Variants in USP19 observed in about 807,000 individuals in gnomAD.
USP19 encodes the protein ubiquitin specific peptidase 19.
Under a neutral mutation model 144.8 loss-of-function variants are expected in USP19, and 40 were observed. That is an observed-to-expected ratio of 0.28 (90% CI 0.21 to 0.36). The LOEUF is 0.36. Among genes scored for constraint, USP19 ranks in the 10% least tolerant of loss-of-function variants. The pLI, the probability that USP19 is intolerant of heterozygous loss-of-function variation, is 1.00. For missense variants in USP19, 1,518 were observed against 1,822.5 expected (o/e 0.83, Z 3.04); for synonymous variants, 701 against 709.3 (o/e 0.99, Z 0.19).
At chr3:49,113,532 C>T (rs1360102449) in intron 17 of USP19, among the ~76,000 whole-genome samples, 1 of 152,010 alleles carries the variant, frequency 6.6e-6, no homozygotes, top group Non-Finnish European at 1.5e-5. Flanking sequence ...TCAGCCTTGG[C>T]CTCCCAAAGA....
Position 49,114,590 on chromosome 3 carries a change from AAGCCT to A in USP19, c.2292+168_2292+172del, listed in dbSNP as rs2043773237. Among the ~76,000 whole-genome samples the A allele has an allele frequency of 6.6e-6, 1 of 152,222 alleles. No individual in the cohort carries two copies. The highest frequency in any genetic ancestry group is 6.5e-5 in the Admixed American group (1 of 15,290). On this transcript the variant is annotated intron_variant, in intron 15 of 26. Transcript: ENST00000417901. The surrounding 1 kb of genome is among the most constrained non-coding windows in gnomAD (Gnocchi z 4.5). ...TAACATCACTTTTCCCTCAGTCAGG[AAGCCT>A]ACCCTGAGTGGGCTCTTCAGCCCAA... is the stretch of plus-strand genomic sequence containing the variant.
intron 2 of USP19, 123 bp downstream of exon 2, chr3:49,118,899 T>C (rs1409734109): frequency 6.8e-7 from 1 of 1,464,956 alleles, no homozygotes; most frequent in Non-Finnish European, 9.2e-7. Flanking sequence ...TGGGTCCTTC[T>C]TCTCTCATCA....
At chr3:49,113,236 G>T (rs1298754360) in intron 17 of USP19, among the ~76,000 whole-genome samples, 2 of 152,208 alleles carry the variant, frequency 1.3e-5, no homozygotes, top group African/African-American at 2.4e-5. Context: ...GCCTGTTTTT[G>T]TACAGTCACA....
chr3:49,108,354 G>T lies in USP19; in HGVS notation c.*58C>A. On this transcript the variant is annotated 3_prime_UTR_variant, in exon 27 of 27. Coordinates refer to ENST00000417901, the MANE Select transcript of USP19 (RefSeq NM_001199161.2). The surrounding 1 kb of genome is among the most constrained non-coding windows in gnomAD (Gnocchi z 4.8). Reference sequence around the variant, plus strand: ...GGGTTAGAGAAGGAGAAGCGGCAAGGAGCTGGCCCTCTGTGTGGGTGTCCC... The same window carrying T: ...GGGTTAGAGAAGGAGAAGCGGCAAGTAGCTGGCCCTCTGTGTGGGTGTCCC... 4 of 596,732 alleles carry T rather than the reference G, an allele frequency of 6.7e-6. No individual in the cohort carries two copies. In the East Asian group the frequency reaches 1.2e-4, roughly 18 times the overall value. 37.0% of individuals were successfully genotyped at this position (596,732 alleles called of 1,614,324 possible).
chr3:49,116,176 C>A lies in USP19; in HGVS notation c.1356-14G>T, dbSNP rs549423441. 1 of 1,613,910 alleles carries A rather than the reference C, an allele frequency of 6.2e-7. No individual in the cohort carries two copies. The highest frequency in any genetic ancestry group is 8.5e-7 in the Non-Finnish European group (1 of 1,179,938). ...TCAATCAGATTCCTGTGGGAAAAGGCTGAACTCAGGGACTTAGGAGGAATG... is the reference window on the plus strand; with the variant it reads ...TCAATCAGATTCCTGTGGGAAAAGGATGAACTCAGGGACTTAGGAGGAATG... On this transcript the variant is annotated splice_polypyrimidine_tract_variant and intron_variant, in intron 9 of 26. Coordinates refer to ENST00000417901, the MANE Select transcript of USP19 (RefSeq NM_001199161.2). This position sits in a 1 kb window ranked among gnomAD's most constrained non-coding sequence, Gnocchi z 5.0.
chr3:49,118,942 C>T, intron 2 of USP19, 80 bp downstream of exon 2: 6 of 1,590,260 alleles, frequency 3.8e-6, no homozygotes, highest in Non-Finnish European at 5.1e-6. Context: ...ACAAGAAAGT[C>T]ATCTCCCAAA....
At position 49,110,045 on chromosome 3, in the gene USP19, G is replaced by T. The variant is rs948112480; in HGVS notation, c.4038+139C>A. The T allele has an allele frequency of 5.5e-5, 58 of 1,049,474 alleles. 1 individual carries two copies. The South Asian group carries it at 1.3e-3, about 24-fold the overall frequency. The allele number at this position is 1,049,474 out of a possible 1,614,324, so 65.0% of individuals were successfully genotyped here. On this transcript the variant is annotated intron_variant, in intron 26 of 26. Transcript: ENST00000417901. The surrounding 1 kb of genome is among the most constrained non-coding windows in gnomAD (Gnocchi z 6.1). The stretch of plus-strand genomic sequence containing the variant: ...GGATGCCTCTGGCTAAAGCTTTGAT[G>T]TTAAGAGAACTCTGCAATTCTCATG...
At chr3:49,118,227 C>T (rs901115342) in intron 2 of USP19, 107 bp from the exon 3 acceptor site, 5 of 560,620 alleles carry the variant, frequency 8.9e-6, no homozygotes, top group South Asian at 4.4e-5. Flanking sequence ...ATCACACCTG[C>T]ACTGCACTCC....
At position 49,110,718 on chromosome 3, in the gene USP19, G is replaced by A. The variant is rs2043018413; in HGVS notation, c.3691C>T (p.Pro1231Ser). 3 of 1,613,930 alleles carry A rather than the reference G, an allele frequency of 1.9e-6. No individual in the cohort carries two copies. Among genetic ancestry groups the A allele is most frequent in the East Asian group, 4.5e-5 (2 of 44,880 alleles). The change falls in exon 24 of 27, where the codon CCT (proline) becomes TCT (serine). Residue 1231 changes from proline (P) to serine (S), a missense_variant. This residue lies in a region of USP19 where 122 missense variants were observed against 200.4 expected (regional missense o/e 0.61). Transcript: ENST00000417901. The surrounding 1 kb of genome is among the most constrained non-coding windows in gnomAD (Gnocchi z 6.1). ...RDKINDLVEF[P>S]VRNLDLSKFC... Reference sequence around the variant, plus strand: ...CCAAGGTCCACTGCTTACCTAACAGGGAACTCCACCAAGTCATTGATCTTG... The same window carrying A: ...CCAAGGTCCACTGCTTACCTAACAGAGAACTCCACCAAGTCATTGATCTTG...
intron 26 of USP19, chr3:49,109,238 G>A: frequency 6.9e-7 from 1 of 1,449,950 alleles, no homozygotes; most frequent in Non-Finnish European, 9.1e-7. Flanking sequence ...AGGACCCAGT[G>A]TCCCTGAGAC....
In USP19 at chr3:49,111,944, G is replaced by A. The variant is rs754934753; in HGVS notation, c.2870C>T (p.Ala957Val). Residue 957 changes from alanine to valine, a missense_variant, in exon 20 of 27, where the codon GCC becomes GTC. Ala to Val is a moderately conservative substitution (Grantham distance 64). Coordinates refer to ENST00000417901, the MANE Select transcript of USP19 (RefSeq NM_001199161.2). The surrounding 1 kb of genome is among the most constrained non-coding windows in gnomAD (Gnocchi z 5.9). ...VSVPASRLTY[A>V]RLAQLLEGYA... Reference sequence around the variant, plus strand: ...GCCCTCTAGCAACTGAGCGAGGCGGGCATAAGTGAGGCGTGAGGCAGGTAC... The same window carrying A: ...GCCCTCTAGCAACTGAGCGAGGCGGACATAAGTGAGGCGTGAGGCAGGTAC... The A allele has an allele frequency of 1.9e-6, 3 of 1,613,938 alleles. No individual in the cohort carries two copies. The highest frequency in any genetic ancestry group is 1.7e-5 in the Admixed American group (1 of 60,012).
In USP19 at chr3:49,120,761, G is replaced by T; in HGVS notation, c.-142C>A. The T allele has an allele frequency of 4.5e-6, 1 of 223,842 alleles. No individual in the cohort carries two copies. Among genetic ancestry groups the T allele is most frequent in the South Asian group, 5.6e-5 (1 of 17,732 alleles). 13.9% of individuals were successfully genotyped at this position (223,842 alleles called of 1,614,324 possible). Reference sequence around the variant, plus strand: ...TTGCAGCCTGCTCCACTCACCGAGCGAGACCGCCGCAGCCAGCCCTCTTCG... The same window carrying T: ...TTGCAGCCTGCTCCACTCACCGAGCTAGACCGCCGCAGCCAGCCCTCTTCG... On this transcript the variant is annotated 5_prime_UTR_variant, in exon 1 of 27. Transcript: ENST00000417901.
intron 26 of USP19, among the ~76,000 whole-genome samples, chr3:49,109,373 G>A (rs956095780): frequency 1.6e-4 from 24 of 152,054 alleles, no homozygotes; most frequent in African/African-American, 5.3e-4. Flanking sequence ...AAGGGTAAGA[G>A]AATCTTGACA....
intron 1 of USP19, among the ~76,000 whole-genome samples, chr3:49,119,734 G>C (rs2044831326): frequency 6.6e-6 from 1 of 152,186 alleles, no homozygotes; most frequent in African/African-American, 2.4e-5. Flanking sequence ...CAGGCTCTGT[G>C]GCTGTAAACA....
Position 49,108,757 on chromosome 3 carries a change from A to G in USP19, c.4039-229T>C. On this transcript the variant is annotated intron_variant, in intron 26 of 26. Coordinates refer to ENST00000417901, the MANE Select transcript of USP19 (RefSeq NM_001199161.2). The surrounding 1 kb of genome is among the most constrained non-coding windows in gnomAD (Gnocchi z 4.8). Reference sequence around the variant, plus strand: ...GGCCAAGCCTGAGGCCAAGGGTCAGAGCAGCAGGATGAATGGACAGACAGC... The same window carrying G: ...GGCCAAGCCTGAGGCCAAGGGTCAGGGCAGCAGGATGAATGGACAGACAGC... 7.1e-7 allele frequency: 1 copy of G among 1,406,494 alleles called. No individual in the cohort carries two copies. Among genetic ancestry groups the G allele is most frequent in the East Asian group, 2.7e-5 (1 of 37,694 alleles). 87.1% of individuals were successfully genotyped at this position (1,406,494 alleles called of 1,614,324 possible). A position where few individuals can be genotyped will look rare whatever the true frequency, so the allele number is the denominator to read the frequency against.
chr3:49,118,920 A>ACCTCTGTCCTGGT (rs1183205887), intron 2 of USP19, 102 bp downstream of exon 2: 2 of 1,545,602 alleles, frequency 1.3e-6, no homozygotes, highest in Non-Finnish European at 1.8e-6. Flanking sequence ...TCAAACCAGG[A>ACCTCTGTCCTGGT]CAGAGAGAAG....
chr3:49,113,624 G>GTC (rs1283902586), intron 17 of USP19, among the ~76,000 whole-genome samples: 1 of 151,594 alleles, frequency 6.6e-6, no homozygotes. Context: ...TTGAGACAGA[G>GTC]TCTCACTCTG....
chr3:49,117,719 G>A lies in USP19; in HGVS notation c.410C>T (p.Pro137Leu). 1 of 1,614,132 alleles carries A rather than the reference G, an allele frequency of 6.2e-7. No homozygotes were observed. The highest frequency in any genetic ancestry group is 1.1e-5 in the South Asian group (1 of 91,086). ...AGCATCTACATCCTCCAGCTGCAGGGGACCTACTCCCACACGAAGCTTGAC... is the reference window on the plus strand; with the variant it reads ...AGCATCTACATCCTCCAGCTGCAGGAGACCTACTCCCACACGAAGCTTGAC... The part of the protein sequence containing the change: ...VIVKLRVGVG[P>L]LQLEDVDAAF... The change falls in exon 4 of 27, where the codon CCC (proline) becomes CTC (leucine). Residue 137 changes from proline (P) to leucine (L), a missense_variant. Pro to Leu is a moderately conservative substitution (Grantham distance 98). Transcript: ENST00000417901. The surrounding 1 kb of genome is among the most constrained non-coding windows in gnomAD (Gnocchi z 4.4).
Position 49,110,207 on chromosome 3 carries a change from CAGGGCCT to C in USP19, c.4008_4014del (p.Gly1337GlnfsTer10). 6.5e-7 allele frequency: 1 copy of C among 1,527,662 alleles called. No individual in the cohort carries two copies. Among genetic ancestry groups the C allele is most frequent in the South Asian group, 1.3e-5 (1 of 77,258 alleles). 94.6% of individuals were successfully genotyped at this position (1,527,662 alleles called of 1,614,324 possible). A position where few individuals can be genotyped will look rare whatever the true frequency, so the allele number is the denominator to read the frequency against. ...ACCTGGCTGGCAGCAGCCTCAGCTGCAGGGCCTAGGTCTGGGTGGTGCTCAGAGTGAC... is the reference window on the plus strand; with the variant it reads ...ACCTGGCTGGCAGCAGCCTCAGCTGCAGGTCTGGGTGGTGCTCAGAGTGAC... On this transcript the variant is annotated frameshift_variant, in exon 26 of 27. Transcript: ENST00000417901. LOFTEE classifies it high-confidence loss of function. The surrounding 1 kb of genome is among the most constrained non-coding windows in gnomAD (Gnocchi z 6.1).
Sources: gnomAD v4.1 joint callset for allele counts (sites outside exome capture counted in the v4.1 genomes callset) on GRCh38, gnomAD v4.1.1 for gene constraint, gnomAD v4.1.1 regional missense constraint, Gnocchi (gnomAD v3.1) non-coding constraint, MANE v1.5 for transcripts, NCBI Gene and HGNC (gene_info 2026-07-23, HGNC 2026-07-21) for gene names.